The following FAM171B variants were observed in gnomAD, a reference collection of about 807,000 sequenced individuals.
The protein encoded by FAM171B is protein FAM171B.
Under a neutral mutation model 75.6 loss-of-function variants are expected in FAM171B, and 19 were observed. The ratio of observed to expected loss-of-function variants is 0.25; its 90% CI spans 0.18 to 0.37. The LOEUF (loss-of-function observed/expected upper bound fraction) is 0.37, where lower values mean the gene tolerates loss of function less well. Ranked by LOEUF, FAM171B falls within the 10% of genes least tolerant of loss-of-function variation. The probability of loss-of-function intolerance (pLI) is 1.00; values close to 1 mark genes in which losing one functional copy is unlikely to be tolerated. For missense variants in FAM171B, 848 were observed against 982.4 expected (o/e 0.86, Z 1.83); for synonymous variants, 367 against 361.7 (o/e 1.01, Z -0.17).
chr2:186,700,727 A>C (rs1441406376), intron 1 of FAM171B, among the ~76,000 whole-genome samples: 4 of 152,154 alleles, frequency 2.6e-5, no homozygotes, highest in Non-Finnish European at 5.9e-5. Context: ...ATATGTTTTC[A>C]TATCTGTTGG....
chr2:186,694,080 C>G lies in FAM171B; in HGVS notation c.-94C>G, dbSNP rs1016339717. On this transcript the variant is annotated 5_prime_UTR_variant, in exon 1 of 8. Transcript: ENST00000304698. ...GCTTGGCAGATTGCGCGAGGGGGAG[C>G]GAGCGAGCGGGCGCTGCCAGGAGCC... The G allele has an allele frequency of 7.3e-7, 1 of 1,369,854 alleles. No individual in the cohort carries two copies. Among genetic ancestry groups the G allele is most frequent in the Non-Finnish European group, 9.4e-7 (1 of 1,065,224 alleles). 84.9% of individuals were successfully genotyped at this position (1,369,854 alleles called of 1,614,324 possible). A position where few individuals can be genotyped will look rare whatever the true frequency, so the allele number is the denominator to read the frequency against.
chr2:186,760,318 T>C (rs1033541829), intron 6 of FAM171B, among the ~76,000 whole-genome samples: 1 of 152,140 alleles, frequency 6.6e-6, no homozygotes, highest in African/African-American at 2.4e-5. Context: ...GCTGCAACTC[T>C]TAATGCTTCA....
chr2:186,714,716 G>A (rs191645593), intron 1 of FAM171B, among the ~76,000 whole-genome samples: 21 of 152,244 alleles, frequency 1.4e-4, no homozygotes, highest in African/African-American at 4.6e-4. Flanking sequence ...TGTGCTTTCC[G>A]AGCCTAGCTA....
intron 1 of FAM171B, among the ~76,000 whole-genome samples, chr2:186,725,788 A>T (rs1690024350): frequency 6.6e-6 from 1 of 152,196 alleles, no homozygotes; most frequent in Non-Finnish European, 1.5e-5. Context: ...AATGTTGAAT[A>T]AGTGTCTGAG....
At chr2:186,753,661 C>A (rs1471591106) in intron 5 of FAM171B, among the ~76,000 whole-genome samples, 1 of 152,154 alleles carries the variant, frequency 6.6e-6, no homozygotes, top group Non-Finnish European at 1.5e-5. Flanking sequence ...GATCCGCCTG[C>A]CTTGGCCTCC....
intron 1 of FAM171B, among the ~76,000 whole-genome samples, chr2:186,733,891 A>G (rs983490509): frequency 6.6e-6 from 1 of 152,172 alleles, no homozygotes; most frequent in Non-Finnish European, 1.5e-5. Flanking sequence ...GTCTTGGCTC[A>G]GGGAGCTCCT....
At chr2:186,759,766 T>A (rs374838322) in intron 6 of FAM171B, among the ~76,000 whole-genome samples, 1 of 152,086 alleles carries the variant, frequency 6.6e-6, no homozygotes, top group Admixed American at 6.6e-5. Context: ...CTCTTCCCTT[T>A]GTTGATTGTT....
intron 1 of FAM171B, among the ~76,000 whole-genome samples, chr2:186,700,063 C>A (rs1272016012): frequency 6.9e-6 from 1 of 144,330 alleles, no homozygotes; most frequent in Non-Finnish European, 1.6e-5. Context: ...AATTTGATTT[C>A]TCCAATTTTG....
intron 1 of FAM171B, among the ~76,000 whole-genome samples, chr2:186,737,648 T>C (rs1690223321): frequency 6.6e-6 from 1 of 152,242 alleles, no homozygotes; most frequent in African/African-American, 2.4e-5. Flanking sequence ...AGCCTTGTTT[T>C]CTTATATACC....
chr2:186,761,089 CT>C (rs748762809), intron 6 of FAM171B, 23 bp from the exon 7 acceptor site: 3 of 1,580,426 alleles, frequency 1.9e-6, no homozygotes, highest in Non-Finnish European at 2.6e-6. Context: ...AACATTTTCT[CT>C]TTGTTTATAT....
chr2:186,761,043 C>A, intron 6 of FAM171B, 70 bp from the exon 7 acceptor site: 1 of 1,509,304 alleles, frequency 6.6e-7, no homozygotes, highest in Non-Finnish European at 9.0e-7. Context: ...TTTGCCTCAC[C>A]CAGGATGTGA....
chr2:186,717,563 C>T (rs565011520), intron 1 of FAM171B, among the ~76,000 whole-genome samples: 1 of 152,232 alleles, frequency 6.6e-6, no homozygotes, highest in South Asian at 2.1e-4. Flanking sequence ...GATGCCCCTC[C>T]CACTTCTCTG....
chr2:186,731,938 A>C (rs963065531), intron 1 of FAM171B, among the ~76,000 whole-genome samples: 1 of 152,186 alleles, frequency 6.6e-6, no homozygotes, highest in Non-Finnish European at 1.5e-5. Flanking sequence ...TCACCCTGAG[A>C]TGGGACCATC....
chr2:186,763,347 C>T lies in FAM171B; in HGVS notation c.*524C>T, dbSNP rs1477775249. 1 of 153,494 alleles carries T rather than the reference C, an allele frequency of 6.5e-6. No individual in the cohort carries two copies. The highest frequency in any genetic ancestry group is 2.4e-5 in the African/African-American group (1 of 41,410). The allele number at this position is 153,494 out of a possible 1,614,324, so 9.5% of individuals were successfully genotyped here. A position where few individuals can be genotyped will look rare whatever the true frequency, so the allele number is the denominator to read the frequency against. On this transcript the variant is annotated 3_prime_UTR_variant, in exon 8 of 8. Transcript: ENST00000304698. The stretch of plus-strand genomic sequence containing the variant: ...TATCACAAAGAAAATGTTGTTTGGT[C>T]TTTAAAGAGCATGTGTATTGTATCA...
chr2:186,755,932 T>C (rs551141793), intron 6 of FAM171B, among the ~76,000 whole-genome samples: 1 of 152,364 alleles, frequency 6.6e-6, no homozygotes, highest in African/African-American at 2.4e-5. Flanking sequence ...TTGCCAGCTG[T>C]CTGGCTTTAT....
intron 1 of FAM171B, among the ~76,000 whole-genome samples, chr2:186,707,827 C>G (rs1251353933): frequency 1.5e-5 from 2 of 132,452 alleles, no homozygotes; most frequent in Non-Finnish European, 3.2e-5. Context: ...AGCTTAAATA[C>G]CACTTTTTTT....
chr2:186,724,223 AT>A (rs1689997687), intron 1 of FAM171B, among the ~76,000 whole-genome samples: 1 of 140,170 alleles, frequency 7.1e-6, no homozygotes, highest in Non-Finnish European at 1.7e-5. Flanking sequence ...TATTTTACTG[AT>A]TGATGATGAT....
At chr2:186,754,142 C>A in intron 6 of FAM171B, 93 bp downstream of exon 6, 1 of 861,492 alleles carries the variant, frequency 1.2e-6, no homozygotes, top group Non-Finnish European at 1.8e-6. Context: ...CTAAGCACTG[C>A]CACTTACCAG....
chr2:186,760,450 A>G (rs1355972800), intron 6 of FAM171B, among the ~76,000 whole-genome samples: 1 of 152,154 alleles, frequency 6.6e-6, no homozygotes, highest in Non-Finnish European at 1.5e-5. Flanking sequence ...AATGCAGCTG[A>G]TAATCAACAT....
Sources: gnomAD v4.1 joint callset for allele counts (sites outside exome capture counted in the v4.1 genomes callset) on GRCh38, gnomAD v4.1.1 for gene constraint, MANE v1.5 for transcripts, NCBI Gene and HGNC (gene_info 2026-07-23, HGNC 2026-07-21) for gene names.